CDK13: variants seen among roughly 807,000 people sequenced by gnomAD.
CDK13 encodes cyclin dependent kinase 13.
Under a neutral mutation model 137.6 loss-of-function variants are expected in CDK13, and 40 were observed. The ratio of observed to expected loss-of-function variants is 0.29; its 90% CI spans 0.23 to 0.38. The LOEUF (loss-of-function observed/expected upper bound fraction) is 0.38, where lower values mean the gene tolerates loss of function less well. Among genes scored for constraint, CDK13 ranks in the 10% least tolerant of loss-of-function variants. The pLI, the probability that CDK13 is intolerant of heterozygous loss-of-function variation, is 1.00. For synonymous variants in CDK13, 869 were observed against 760.1 expected, an observed-to-expected ratio of 1.14 and a Z score of -2.36; for missense variants, 1,704 against 1,951.8, an observed-to-expected ratio of 0.87 and a Z score of 2.39.
intron 1 of CDK13, among the ~76,000 whole-genome samples, chr7:39,973,287 C>G (rs1784039096): frequency 6.6e-6 from 1 of 152,132 alleles, no homozygotes. Flanking sequence ...CAGGTACACG[C>G]CACCACACCT....
At position 40,024,766 on chromosome 7, in the gene CDK13, C is replaced by T. The variant is rs555038929; in HGVS notation, c.2354-21070C>T. On this transcript the variant is annotated intron_variant, in intron 5 of 13. Transcript: ENST00000181839. ...GCAGCCTCCGCCTCCCGGGTTCGAG[C>T]GATTCCCCTGCGTCTACCTCCTGAG... 4.1e-4 allele frequency among the ~76,000 whole-genome samples: 61 copies of T among 148,600 alleles called. 1 individual carries two copies. In the South Asian group the frequency reaches 0.012, roughly 30 times the overall value.
At chr7:40,078,316 G>C (rs534007428) in intron 10 of CDK13, 195 bp downstream of exon 10, 2 of 415,552 alleles carry the variant, frequency 4.8e-6, no homozygotes, top group South Asian at 1.2e-4. Flanking sequence ...TTGAGATTGT[G>C]TGTTTGGTTT....
At chr7:39,994,984 C>G (rs1784532015) in intron 2 of CDK13, among the ~76,000 whole-genome samples, 1 of 151,270 alleles carries the variant, frequency 6.6e-6, no homozygotes, top group Non-Finnish European at 1.5e-5. Context: ...TTGGAGACAG[C>G]TTTATAATAT....
At chr7:39,967,362 G>A (rs1319808181) in intron 1 of CDK13, among the ~76,000 whole-genome samples, 2 of 152,052 alleles carry the variant, frequency 1.3e-5, no homozygotes, top group Admixed American at 6.6e-5. Context: ...TGGAGGTAAA[G>A]GCTACAGTAA....
chr7:39,978,419 A>G (rs1225856582), intron 1 of CDK13, among the ~76,000 whole-genome samples: 1 of 152,202 alleles, frequency 6.6e-6, no homozygotes, highest in Non-Finnish European at 1.5e-5. Flanking sequence ...GGATGTATGT[A>G]TAAGCCAGAT....
At chr7:40,041,321 G>GTC (rs1785600455) in intron 5 of CDK13, among the ~76,000 whole-genome samples, 1 of 152,072 alleles carries the variant, frequency 6.6e-6, no homozygotes, top group South Asian at 2.1e-4. Context: ...GTGAGACTCT[G>GTC]TCTCAAAAAA....
intron 7 of CDK13, chr7:40,061,982 C>G (rs1786158337): frequency 6.6e-6 from 1 of 152,122 alleles, no homozygotes; most frequent in African/African-American, 2.4e-5. Flanking sequence ...CAGAGTAGAC[C>G]TCAAGTAGAT....
intron 5 of CDK13, among the ~76,000 whole-genome samples, chr7:40,002,829 C>T (rs1414000279): frequency 1.3e-5 from 2 of 151,104 alleles, no homozygotes; most frequent in African/African-American, 4.9e-5. Flanking sequence ...CTTTGGGAGT[C>T]CAGGGTGTGA....
intron 9 of CDK13, among the ~76,000 whole-genome samples, chr7:40,074,074 G>T (rs1028582532): frequency 8.6e-5 from 13 of 151,918 alleles, no homozygotes; most frequent in African/African-American, 2.9e-4. Flanking sequence ...GCTAATTTTT[G>T]TGTTTTTAGT....
chr7:40,033,850 C>A (rs1463932299), intron 5 of CDK13, among the ~76,000 whole-genome samples: 2 of 152,098 alleles, frequency 1.3e-5, no homozygotes, highest in Non-Finnish European at 2.9e-5. Flanking sequence ...TTTGGTTTTT[C>A]CCTGCAGTGA....
intron 1 of CDK13, chr7:39,986,666 ACT>A (rs1166574869): frequency 2.0e-5 from 3 of 152,104 alleles, no homozygotes; most frequent in Non-Finnish European, 2.9e-5. Flanking sequence ...TAACTTTTTT[ACT>A]CTCATTCATT....
rs1277114390 is a variant in CDK13, at chr7:40,095,263, A to T, written c.*283A>T. On this transcript the variant is annotated 3_prime_UTR_variant, in exon 14 of 14. Coordinates refer to ENST00000181839, the MANE Select transcript of CDK13 (RefSeq NM_003718.5). ...AAGTGGATGCTAATTTTAGGGGCAT[A>T]AGCCTTTTATGGCCCTCTTGCAGAT... 4.6e-6 allele frequency: 1 copy of T among 215,460 alleles called. No homozygotes were observed. Among genetic ancestry groups the T allele is most frequent in the Non-Finnish European group, 9.1e-6 (1 of 110,362 alleles). 13.3% of individuals were successfully genotyped at this position (215,460 alleles called of 1,614,324 possible).
intron 5 of CDK13, among the ~76,000 whole-genome samples, chr7:40,031,865 T>C (rs1036987999): frequency 1.4e-5 from 2 of 140,780 alleles, no homozygotes; most frequent in East Asian, 2.1e-4. Context: ...ATTATTATTA[T>C]TGGGAGAAAT....
intron 9 of CDK13, chr7:40,072,301 A>G (rs1786439214): frequency 6.6e-6 from 1 of 151,996 alleles, no homozygotes; most frequent in Non-Finnish European, 1.5e-5. Context: ...TAATTTTTGT[A>G]TTTTCAGTAG....
intron 6 of CDK13, among the ~76,000 whole-genome samples, chr7:40,046,264 T>A (rs1282957775): frequency 6.6e-6 from 1 of 152,172 alleles, no homozygotes; most frequent in African/African-American, 2.4e-5. Context: ...CTAAAATTTT[T>A]AAAATAAAGA....
intron 1 of CDK13, among the ~76,000 whole-genome samples, chr7:39,974,937 T>TGA (rs1339510185): frequency 2.0e-5 from 3 of 152,226 alleles, no homozygotes; most frequent in African/African-American, 4.8e-5. Flanking sequence ...AACAGAGGAA[T>TGA]GAGAAGGGAC....
chr7:39,970,546 C>A (rs368081381), intron 1 of CDK13, among the ~76,000 whole-genome samples: 1 of 151,876 alleles, frequency 6.6e-6, no homozygotes, highest in African/African-American at 2.4e-5. Context: ...CTGCAACCTC[C>A]GCCTCCCAGG....
Position 39,950,974 on chromosome 7 carries a change from C to G in CDK13, c.333C>G (p.Ala111=), listed in dbSNP as rs1452657944. 1.5e-6 allele frequency: 2 copies of G among 1,314,598 alleles called. No individual in the cohort carries two copies. Among genetic ancestry groups the G allele is most frequent in the Admixed American group, 4.2e-5 (1 of 23,966 alleles). The allele number at this position is 1,314,598 out of a possible 1,614,324, so 81.4% of individuals were successfully genotyped here. The part of the protein sequence containing the change: ...GRQKRRRGPR[A]GQEAEKRRVF... ...AGAAGCGGCGTCGCGGGCCCCGCGC[C>G]GGGCAGGAGGCGGAGAAGCGTCGGG... Residue 111 remains alanine, a synonymous_variant, in exon 1 of 14, where the codon GCC becomes GCG. Transcript: ENST00000181839.
At chr7:40,093,623 G>A (rs798863) in intron 13 of CDK13, among the ~76,000 whole-genome samples, 15,079 of 152,164 alleles carry the variant, frequency 0.099, 956 homozygotes, top group Admixed American at 0.13. Flanking sequence ...AGCCAATTAC[G>A]GCTGGGTGCA....
Sources: allele counts gnomAD v4.1 joint callset (sites outside exome capture counted in the v4.1 genomes callset), GRCh38; gene constraint gnomAD v4.1.1; transcripts MANE v1.5; gene names NCBI Gene and HGNC (gene_info 2026-07-23, HGNC 2026-07-21).